The following BRD7 variants were observed in gnomAD, a reference collection of about 807,000 sequenced individuals.
The protein encoded by BRD7 is bromodomain-containing protein 7.
In BRD7, 15 loss-of-function variants were observed where a neutral mutation model predicts 82.1. The observed-to-expected ratio is 0.18, with a 90% CI of 0.12 to 0.28. The LOEUF (loss-of-function observed/expected upper bound fraction) is 0.28, where lower values mean the gene tolerates loss of function less well. Among genes scored for constraint, BRD7 ranks in the 10% least tolerant of loss-of-function variants. The pLI, the probability that BRD7 is intolerant of heterozygous loss-of-function variation, is 1.00. For missense variants in BRD7, 638 were observed against 779.9 expected, an observed-to-expected ratio of 0.82 and a Z score of 2.17; for synonymous variants, 232 against 266.9, an observed-to-expected ratio of 0.87 and a Z score of 1.27.
chr16:50,319,114 AAACAC>A lies in BRD7; in HGVS notation c.*92_*96del. 1 of 1,233,796 alleles carries A rather than the reference AAACAC, an allele frequency of 8.1e-7. No individual in the cohort carries two copies. The highest frequency in any genetic ancestry group is 2.6e-5 in the East Asian group (1 of 38,850). 76.4% of individuals were successfully genotyped at this position (1,233,796 alleles called of 1,614,324 possible). On this transcript the variant is annotated 3_prime_UTR_variant, in exon 17 of 17. Transcript: ENST00000394688. ...ATTCGCTGTTCCAAAGTTTAATTAA[AAACAC>A]AATTTACAAATATTTAATATCTTCT... is the stretch of plus-strand genomic sequence containing the variant.
chr16:50,320,472 A>G, intron 14 of BRD7, 81 bp from the exon 15 acceptor site: 1 of 1,551,574 alleles, frequency 6.4e-7, no homozygotes, highest in Middle Eastern at 1.7e-4. Context: ...TTTGCTAATT[A>G]TTGGTTAGCC....
chr16:50,317,132 G>C lies in BRD7; in HGVS notation c.*2079C>G, dbSNP rs2036838136. ...TGTGGCTTTATCAGCCCGAGGAAGG[G>C]CAGGTGTATTCTAATTTGCACAAAG... On this transcript the variant is annotated 3_prime_UTR_variant, in exon 17 of 17. Coordinates refer to ENST00000394688, the MANE Select transcript of BRD7 (RefSeq NM_013263.5). 1 of 152,802 alleles carries C rather than the reference G, an allele frequency of 6.5e-6. No homozygotes were observed. Among genetic ancestry groups the C allele is most frequent in the Non-Finnish European group, 1.5e-5 (1 of 68,074 alleles). The allele number at this position is 152,802 out of a possible 1,614,324, so 9.5% of individuals were successfully genotyped here.
At position 50,334,806 on chromosome 16, in the gene BRD7, C is replaced by CT. The variant is rs1260142625; in HGVS notation, c.791dup (p.Ser265GlufsTer31). 6.2e-7 allele frequency: 1 copy of CT among 1,614,150 alleles called. No homozygotes were observed. Reference sequence around the variant, plus strand: ...GCCAGCAGCCTCCGTCCTCCCCACTCTGTGAGGTGTCTGTTCCATCTTTCT... The same window carrying CT: ...GCCAGCAGCCTCCGTCCTCCCCACTCTTGTGAGGTGTCTGTTCCATCTTTCT... On this transcript the variant is annotated frameshift_variant, in exon 7 of 17. Transcript: ENST00000394688. LOFTEE classifies it high-confidence loss of function.
intron 2 of BRD7, among the ~76,000 whole-genome samples, chr16:50,360,380 T>C (rs989343720): frequency 6.6e-6 from 1 of 152,228 alleles, no homozygotes; most frequent in African/African-American, 2.4e-5. Context: ...GATGCTCCAA[T>C]ATGCAAAACA....
chr16:50,331,904 A>C (rs943435740), intron 8 of BRD7, among the ~76,000 whole-genome samples: 6 of 152,346 alleles, frequency 3.9e-5, no homozygotes, highest in African/African-American at 1.4e-4. Context: ...AAGACCACTC[A>C]ATAAATGGCG....
At position 50,334,860 on chromosome 16, in the gene BRD7, G is replaced by A. The variant is rs2037730693; in HGVS notation, c.738C>T (p.Phe246=). 1 of 1,614,062 alleles carries A rather than the reference G, an allele frequency of 6.2e-7. No homozygotes were observed. The highest frequency in any genetic ancestry group is 8.5e-7 in the Non-Finnish European group (1 of 1,180,044). The change falls in exon 7 of 17, where the codon TTC becomes TTT. Residue 246 remains phenylalanine, a synonymous_variant. Transcript: ENST00000394688. ...TTCGAGTTTTCTGCAAGTCAGCCAT[G>A]AAGTCTATGCTCTGCTTCAGGCTCT... ...RIQSLKQSID[F]MADLQKTRKQ...
intron 7 of BRD7, among the ~76,000 whole-genome samples, chr16:50,334,493 C>T (rs2037707683): frequency 6.6e-6 from 1 of 152,134 alleles, no homozygotes; most frequent in African/African-American, 2.4e-5. Flanking sequence ...TAAGAATACA[C>T]ATTAGAACTG....
At chr16:50,329,516 G>A (rs1179690147) in intron 8 of BRD7, among the ~76,000 whole-genome samples, 2 of 152,232 alleles carry the variant, frequency 1.3e-5, no homozygotes, top group Non-Finnish European at 2.9e-5. Context: ...AATGGGCAAA[G>A]GGAAGGAAGC....
At chr16:50,353,212 T>C (rs2038604895) in intron 4 of BRD7, among the ~76,000 whole-genome samples, 1 of 151,928 alleles carries the variant, frequency 6.6e-6, no homozygotes, top group African/African-American at 2.4e-5. Flanking sequence ...ACTACAGGTG[T>C]GTGCAACCAC....
At position 50,334,722 on chromosome 16, in the gene BRD7, T is replaced by G. The variant is rs2037720927; in HGVS notation, c.876A>C (p.Lys292Asn). 6.2e-7 allele frequency: 1 copy of G among 1,613,228 alleles called. No homozygotes were observed. Among genetic ancestry groups the G allele is most frequent in the Non-Finnish European group, 8.5e-7 (1 of 1,179,732 alleles). Residue 292 changes from lysine (K) to asparagine (N), a missense_variant, in exon 7 of 17, where the codon AAA becomes AAC. Lys to Asn is a moderately conservative substitution (Grantham distance 94). This residue lies in a region of BRD7 where 402 missense variants were observed against 500.8 expected (regional missense o/e 0.80). Coordinates refer to ENST00000394688, the MANE Select transcript of BRD7 (RefSeq NM_013263.5). ...AEAHAFKSPS[K>N]ENKKKDKDML... ...CAAAGATCTTTTACTTTTTATTTTC[T>G]TTGCTGGGACTCTTGAAGGCGTGTG... is the stretch of plus-strand genomic sequence containing the variant.
At chr16:50,342,052 T>C (rs990945781) in intron 5 of BRD7, among the ~76,000 whole-genome samples, 22 of 151,906 alleles carry the variant, frequency 1.4e-4, no homozygotes, top group Non-Finnish European at 3.1e-4. Context: ...AACGTAGAAA[T>C]TCTAAAGAGC....
chr16:50,348,402 T>C (rs866997061), intron 5 of BRD7, among the ~76,000 whole-genome samples: 3 of 152,212 alleles, frequency 2.0e-5, no homozygotes, highest in African/African-American at 4.8e-5. Flanking sequence ...AAAGCCAAAA[T>C]TGACAAATGG....
intron 2 of BRD7, among the ~76,000 whole-genome samples, chr16:50,356,607 T>A (rs907448383): frequency 1.3e-5 from 2 of 152,022 alleles, no homozygotes; most frequent in African/African-American, 2.4e-5. Flanking sequence ...AAAACATGCA[T>A]GTGATATACA....
chr16:50,319,960 A>G lies in BRD7; in HGVS notation c.1827T>C (p.Tyr609=). 6.2e-7 allele frequency: 1 copy of G among 1,613,364 alleles called. No homozygotes were observed. ...QVTPGDIVST[Y]GVRKAMGISI... is the part of the protein sequence containing the mutation. The stretch of plus-strand genomic sequence containing the variant: ...AAATCCCCATTGCTTTTCGAACTCC[A>G]TACGTGCTTACGATATCACCTGGAG... Residue 609 remains tyrosine, a synonymous_variant, in exon 16 of 17, where the codon TAT becomes TAC. Transcript: ENST00000394688.
intron 13 of BRD7, among the ~76,000 whole-genome samples, chr16:50,321,291 T>C (rs1263867854): frequency 6.6e-6 from 1 of 152,240 alleles, no homozygotes; most frequent in East Asian, 1.9e-4. Flanking sequence ...CCTGGCGCAG[T>C]GGCTCATGCC....
intron 10 of BRD7, 127 bp downstream of exon 10, chr16:50,326,157 A>G: frequency 1.3e-6 from 1 of 779,276 alleles, no homozygotes; most frequent in Non-Finnish European, 2.1e-6. Flanking sequence ...TAAAATAGCT[A>G]ATTAATGTTG....
chr16:50,351,793 T>A (rs74017359), intron 4 of BRD7, among the ~76,000 whole-genome samples: 2,970 of 152,238 alleles, frequency 0.02, 105 homozygotes, highest in African/African-American at 0.068. Flanking sequence ...GACACATATA[T>A]ACTAACATAC....
At position 50,366,920 on chromosome 16, in the gene BRD7, A is replaced by G. The variant is rs150631768; in HGVS notation, c.258+1170T>C. ...TTTGCACCACATGAACTACTTTTAA[A>G]AAATCAAATGCATATATGGGTTTTA... is the stretch of plus-strand genomic sequence containing the variant. On this transcript the variant is annotated intron_variant, in intron 2 of 16. Transcript: ENST00000394688. Among the ~76,000 whole-genome samples the G allele has an allele frequency of 6.4e-3, 972 of 152,342 alleles. 14 individuals are homozygous for G. Among genetic ancestry groups the G allele is most frequent in the African/African-American group, 0.022 (912 of 41,574 alleles).
chr16:50,353,631 T>C (rs1181263462), intron 4 of BRD7, among the ~76,000 whole-genome samples: 1 of 152,074 alleles, frequency 6.6e-6, no homozygotes, highest in Non-Finnish European at 1.5e-5. Flanking sequence ...TCTTGCTCTG[T>C]TGCCCAGGCT....
Sources: allele counts gnomAD v4.1 joint callset (sites outside exome capture counted in the v4.1 genomes callset), GRCh38; gene constraint gnomAD v4.1.1; regional missense constraint gnomAD v4.1.1; transcripts MANE v1.5; gene names NCBI Gene and HGNC (gene_info 2026-07-23, HGNC 2026-07-21).